FLI1: variants seen among roughly 807,000 people sequenced by gnomAD.
FLI1 encodes Fli-1 proto-oncogene, ETS transcription factor, also known as Friend leukemia integration 1 transcription factor.
FLI1 carries 13 observed loss-of-function variants against 53.1 expected under a neutral mutation model. The ratio of observed to expected loss-of-function variants is 0.24; its 90% CI spans 0.16 to 0.39. The LOEUF (loss-of-function observed/expected upper bound fraction) is 0.39. Ranked by LOEUF, FLI1 falls within the 10% of genes least tolerant of loss-of-function variation. FLI1 has a pLI of 1.00. For synonymous variants in FLI1, 244 were observed against 236.7 expected (o/e 1.03, Z -0.28); for missense variants, 424 against 600.5 (o/e 0.71, Z 3.07).
At chr11:128,743,875 C>T (rs1020688414) in intron 1 of FLI1, among the ~76,000 whole-genome samples, 12 of 152,290 alleles carry the variant, frequency 7.9e-5, no homozygotes, top group Non-Finnish European at 1.8e-4. Context: ...ATCTACTTTT[C>T]CTGTAGATGG....
At position 128,811,783 on chromosome 11, in the gene FLI1, G is replaced by A. The variant is rs534133325; in HGVS notation, c.*795G>A. 4 of 202,044 alleles carry A rather than the reference G, an allele frequency of 2.0e-5. No homozygotes were observed. Among genetic ancestry groups the A allele is most frequent in the South Asian group, 1.9e-4 (1 of 5,230 alleles). The allele number at this position is 202,044 out of a possible 1,614,324, so 12.5% of individuals were successfully genotyped here. On this transcript the variant is annotated 3_prime_UTR_variant, in exon 9 of 9. Transcript: ENST00000527786. ...TCAAGCAGATTCGCAAGTGCTGTGC[G>A]CTTGTCAGACCATCAGACCAGGGCC...
upstream of FLI1, among the ~76,000 whole-genome samples, chr11:128,692,288 T>C (rs1412022412): frequency 6.6e-6 from 1 of 152,096 alleles, no homozygotes; most frequent in African/African-American, 2.4e-5. Flanking sequence ...TTAATTGAAC[T>C]CCAGAACTGG....
At chr11:128,708,465 G>A (rs532897654) in intron 1 of FLI1, among the ~76,000 whole-genome samples, 203 of 152,166 alleles carry the variant, frequency 1.3e-3, no homozygotes, top group Non-Finnish European at 2.2e-3. Context: ...TTTATATATC[G>A]GTCCCTCTAA....
chr11:128,734,676 T>G (rs1399550734), intron 1 of FLI1, among the ~76,000 whole-genome samples: 1 of 152,188 alleles, frequency 6.6e-6, no homozygotes, highest in African/African-American at 2.4e-5. Flanking sequence ...CAGGGAGGCC[T>G]GTTGCTTGGG....
In FLI1 at chr11:128,810,372, G is replaced by C; in HGVS notation, c.830-87G>C. 7.6e-7 allele frequency: 1 copy of C among 1,309,594 alleles called. No homozygotes were observed. The highest frequency in any genetic ancestry group is 1.0e-6 in the Non-Finnish European group (1 of 954,496). 81.1% of individuals were successfully genotyped at this position (1,309,594 alleles called of 1,614,324 possible). On this transcript the variant is annotated intron_variant, in intron 8 of 8. Coordinates refer to ENST00000527786, the MANE Select transcript of FLI1 (RefSeq NM_002017.5). This position sits in a 1 kb window ranked among gnomAD's most constrained non-coding sequence, Gnocchi z 6.6. Reference sequence around the variant, plus strand: ...AAACAAAAGGTTTCTTTAAAAGGATGAGAAGCTCCCTGCATTTAGGGAACT... The same window carrying C: ...AAACAAAAGGTTTCTTTAAAAGGATCAGAAGCTCCCTGCATTTAGGGAACT...
intron 1 of FLI1, among the ~76,000 whole-genome samples, chr11:128,747,999 G>A (rs1940475110): frequency 1.3e-5 from 2 of 152,138 alleles, no homozygotes; most frequent in African/African-American, 2.4e-5. Context: ...TCAAAAAAGT[G>A]ACTGTGAACA....
intron 5 of FLI1, chr11:128,804,166 AGGCCAGGCAATCAGAGTCCATCCG>A (rs1433178758): frequency 1.2e-4 from 19 of 152,376 alleles, no homozygotes; most frequent in African/African-American, 2.9e-4. Flanking sequence ...AGAAACAATG[AGGCCAGGCAATCAGAGTCCATCCG>A]TCTTCCCAAC....
In FLI1 at chr11:128,811,816, C is replaced by T. The variant is rs190134547; in HGVS notation, c.*828C>T. ...GACCATCAGACCAGGGCCAACCAATCAGAAGGCAACTTACTGTATAAATTA... is the reference window on the plus strand; with the variant it reads ...GACCATCAGACCAGGGCCAACCAATTAGAAGGCAACTTACTGTATAAATTA... On this transcript the variant is annotated 3_prime_UTR_variant, in exon 9 of 9. Transcript: ENST00000527786. 253 of 201,380 alleles carry T rather than the reference C, an allele frequency of 1.3e-3. 1 individual carries two copies. The highest frequency in any genetic ancestry group is 4.8e-3 in the African/African-American group (208 of 43,472). The allele number at this position is 201,380 out of a possible 1,614,324, so 12.5% of individuals were successfully genotyped here.
intron 1 of FLI1, among the ~76,000 whole-genome samples, chr11:128,725,119 G>A (rs531927889): frequency 6.6e-6 from 1 of 152,290 alleles, no homozygotes; most frequent in South Asian, 2.1e-4. Context: ...TGAGGGTGAG[G>A]GGAGAGCTGA....
chr11:128,786,692 G>A (rs1014165671), intron 5 of FLI1, among the ~76,000 whole-genome samples: 13 of 152,154 alleles, frequency 8.5e-5, no homozygotes, highest in African/African-American at 2.9e-4. Context: ...AAACCCTGCC[G>A]GAGGCCTTCC....
chr11:128,764,727 C>T, intron 2 of FLI1: 1 of 1,567,914 alleles, frequency 6.4e-7, no homozygotes, highest in Non-Finnish European at 8.6e-7. Context: ...AGCCGTGGAG[C>T]CCCATGGCCG....
At chr11:128,736,975 A>G (rs1309929771) in intron 1 of FLI1, among the ~76,000 whole-genome samples, 4 of 152,174 alleles carry the variant, frequency 2.6e-5, no homozygotes, top group African/African-American at 9.7e-5. Context: ...CAAACAAACA[A>G]CCATGCCAAG....
chr11:128,757,522 C>T (rs1940940781), intron 1 of FLI1, among the ~76,000 whole-genome samples: 1 of 152,172 alleles, frequency 6.6e-6, no homozygotes, highest in African/African-American at 2.4e-5. Context: ...ATCCACCTAT[C>T]GACTCTGTGC....
intron 2 of FLI1, 127 bp from the exon 3 acceptor site, chr11:128,767,991 G>A (rs1194741938): frequency 1.3e-6 from 1 of 754,638 alleles, no homozygotes; most frequent in Non-Finnish European, 2.1e-6. Context: ...TCATCATCAT[G>A]ACACCAAGTG....
At chr11:128,774,017 A>G (rs965887881) in intron 4 of FLI1, among the ~76,000 whole-genome samples, 1 of 152,068 alleles carries the variant, frequency 6.6e-6, no homozygotes, top group Non-Finnish European at 1.5e-5. Flanking sequence ...GCAAGTTCAG[A>G]TCCTTAGACA....
intron 1 of FLI1, among the ~76,000 whole-genome samples, chr11:128,747,493 G>A (rs1940448242): frequency 6.6e-6 from 1 of 152,180 alleles, no homozygotes; most frequent in South Asian, 2.1e-4. Context: ...CTTTGCTCCA[G>A]TGAGGCCTGT....
intron 1 of FLI1, among the ~76,000 whole-genome samples, chr11:128,738,630 C>T (rs1037666063): frequency 6.6e-6 from 1 of 152,236 alleles, no homozygotes; most frequent in Non-Finnish European, 1.5e-5. Context: ...ATCACATATC[C>T]TAGCTCAGGC....
At chr11:128,791,737 G>A (rs1305194821) in intron 5 of FLI1, among the ~76,000 whole-genome samples, 1 of 152,188 alleles carries the variant, frequency 6.6e-6, no homozygotes, top group African/African-American at 2.4e-5. Context: ...GGGACCCCAG[G>A]GTGGTTCCTT....
At chr11:128,692,850 A>T (rs540748523), upstream of FLI1, 2 of 152,356 alleles carry the variant, frequency 1.3e-5, no homozygotes, top group South Asian at 4.1e-4. Context: ...GAAAGGGCCC[A>T]GCCCCTCGAG....
Sources: allele counts gnomAD v4.1 joint callset (sites outside exome capture counted in the v4.1 genomes callset), GRCh38; gene constraint gnomAD v4.1.1; non-coding constraint Gnocchi (gnomAD v3.1); transcripts MANE v1.5; gene names NCBI Gene and HGNC (gene_info 2026-07-23, HGNC 2026-07-21).